Variants in SMAP1 observed in about 807,000 individuals in gnomAD.
The protein encoded by SMAP1 is stromal membrane-associated protein 1.
SMAP1 carries 24 observed loss-of-function variants against 58.5 expected under a neutral mutation model. That is an observed-to-expected ratio of 0.41 (90% CI 0.30 to 0.58). SMAP1 has a LOEUF of 0.58. SMAP1 is among the 20% of genes least tolerant of loss of function. The pLI is 0.29. For missense variants in SMAP1, 563 were observed against 566.3 expected (o/e 0.99, Z 0.06); for synonymous variants, 216 against 196.6 (o/e 1.10, Z -0.82).
At chr6:70,701,702 T>C (rs1253529084) in intron 1 of SMAP1, among the ~76,000 whole-genome samples, 1 of 152,260 alleles carries the variant, frequency 6.6e-6, no homozygotes, top group Admixed American at 6.5e-5. Context: ...AAGCACACAT[T>C]CTCTCTCTGT....
intron 1 of SMAP1, among the ~76,000 whole-genome samples, chr6:70,699,239 T>C (rs1183681194): frequency 6.6e-6 from 1 of 152,182 alleles, no homozygotes; most frequent in Non-Finnish European, 1.5e-5. Context: ...TTCCCTTACT[T>C]TCCTGCAAAC....
At chr6:70,755,156 G>A (rs981582357) in intron 3 of SMAP1, 91 bp downstream of exon 3, 1 of 1,003,700 alleles carries the variant, frequency 1.0e-6, no homozygotes, top group African/African-American at 1.6e-5. Flanking sequence ...AGGAAGATGT[G>A]AACTTTATCA....
intron 4 of SMAP1, among the ~76,000 whole-genome samples, chr6:70,781,961 CTGTTAAACTCATTTTATTTCTG>C (rs1352060271): frequency 6.6e-6 from 1 of 152,120 alleles, no homozygotes; most frequent in Non-Finnish European, 1.5e-5. Flanking sequence ...GAAGGAAGGA[CTGTTAAACTCATTTTATTTCTG>C]AAGAAAACTC....
At chr6:70,839,139 A>G (rs1770709919) in intron 7 of SMAP1, among the ~76,000 whole-genome samples, 1 of 152,186 alleles carries the variant, frequency 6.6e-6, no homozygotes, top group African/African-American at 2.4e-5. Context: ...ACAGCTTACA[A>G]CATTAAACAT....
chr6:70,734,003 A>ATTT (rs11303101), intron 2 of SMAP1, among the ~76,000 whole-genome samples: 1 of 149,760 alleles, frequency 6.7e-6, no homozygotes, highest in East Asian at 2.0e-4. Flanking sequence ...AATATATTGG[A>ATTT]TTTTTTTTTT....
At chr6:70,750,500 A>G (rs1485399084) in intron 2 of SMAP1, among the ~76,000 whole-genome samples, 2 of 152,244 alleles carry the variant, frequency 1.3e-5, no homozygotes, top group Admixed American at 6.5e-5. Flanking sequence ...TGCTGTTTTA[A>G]TGCTAAAACT....
chr6:70,714,329 C>T (rs1011523620), intron 1 of SMAP1, among the ~76,000 whole-genome samples: 6 of 151,948 alleles, frequency 3.9e-5, no homozygotes, highest in East Asian at 1.9e-4. Flanking sequence ...CTCCTATTGT[C>T]GTCTTGTTGC....
At position 70,856,995 on chromosome 6, in the gene SMAP1, A is replaced by G. The variant is rs1483478944; in HGVS notation, c.926A>G (p.Tyr309Cys). 6.2e-7 allele frequency: 1 copy of G among 1,613,902 alleles called. No homozygotes were observed. Residue 309 changes from tyrosine (Y) to cysteine (C), a missense_variant, in exon 9 of 11, where the codon TAT (tyrosine) becomes TGT (cysteine). Physicochemically the swap from Tyr to Cys is radical, Grantham distance 194. Coordinates refer to ENST00000370455, the MANE Select transcript of SMAP1 (RefSeq NM_001044305.3). ...TCCAAAGACTCCATCTTATCTCTGT[A>G]TGGCACAGGAACCATTCAACAGCAA... ...QLSKDSILSLYGTGTIQQQST... is the reference protein window; with the variant it reads ...QLSKDSILSLCGTGTIQQQST...
At chr6:70,677,371 A>T (rs962898690) in intron 1 of SMAP1, among the ~76,000 whole-genome samples, 1 of 148,544 alleles carries the variant, frequency 6.7e-6, no homozygotes, top group African/African-American at 2.5e-5. Flanking sequence ...TCCTTATTGC[A>T]AAGATTTATT....
At chr6:70,822,302 T>C (rs541379656) in intron 6 of SMAP1, among the ~76,000 whole-genome samples, 56 of 152,296 alleles carry the variant, frequency 3.7e-4, no homozygotes, top group African/African-American at 1.3e-3. Flanking sequence ...GCTCTTTAAA[T>C]ATATTATTTC....
intron 1 of SMAP1, among the ~76,000 whole-genome samples, chr6:70,732,074 A>G (rs990618752): frequency 9.9e-5 from 15 of 152,172 alleles, no homozygotes; most frequent in Non-Finnish European, 1.8e-4. Flanking sequence ...GTAGGGTATT[A>G]TTACTATTCC....
At chr6:70,724,233 G>A (rs1172878956) in intron 1 of SMAP1, among the ~76,000 whole-genome samples, 3 of 148,592 alleles carry the variant, frequency 2.0e-5, no homozygotes, top group African/African-American at 7.4e-5. Context: ...TTTCAATCAT[G>A]TCACCCAGGC....
intron 6 of SMAP1, among the ~76,000 whole-genome samples, chr6:70,836,475 A>G (rs1349903459): frequency 1.3e-5 from 2 of 152,218 alleles, no homozygotes; most frequent in Non-Finnish European, 2.9e-5. Context: ...GTATCACAGG[A>G]GTACATTAGT....
intron 1 of SMAP1, among the ~76,000 whole-genome samples, chr6:70,720,341 C>T (rs112401096): frequency 0.023 from 3,436 of 152,260 alleles, 150 homozygotes; most frequent in African/African-American, 0.079. Flanking sequence ...GCGGCTCTGC[C>T]CCTGTGGTTT....
chr6:70,728,056 C>A (rs996205384), intron 1 of SMAP1, among the ~76,000 whole-genome samples: 3 of 151,818 alleles, frequency 2.0e-5, no homozygotes, highest in African/African-American at 7.3e-5. Flanking sequence ...AGAGTGAGAC[C>A]CTGTCTCAAA....
At chr6:70,852,060 C>T (rs1250037792) in intron 7 of SMAP1, among the ~76,000 whole-genome samples, 1 of 152,100 alleles carries the variant, frequency 6.6e-6, no homozygotes, top group African/African-American at 2.4e-5. Flanking sequence ...CCAAAACACA[C>T]ACACCCTCAC....
intron 4 of SMAP1, among the ~76,000 whole-genome samples, chr6:70,788,127 A>T (rs1249027442): frequency 2.0e-5 from 3 of 152,046 alleles, no homozygotes; most frequent in African/African-American, 4.8e-5. Context: ...GCCATAAAAA[A>T]TGATGAGTTC....
intron 1 of SMAP1, among the ~76,000 whole-genome samples, chr6:70,705,948 T>C (rs1767821522): frequency 6.6e-6 from 1 of 152,204 alleles, no homozygotes; most frequent in South Asian, 2.1e-4. Context: ...CTTTAGTGTG[T>C]AACTACTTCA....
chr6:70,808,488 C>T (rs1239685202), intron 6 of SMAP1, among the ~76,000 whole-genome samples: 2 of 152,098 alleles, frequency 1.3e-5, no homozygotes, highest in African/African-American at 4.8e-5. Context: ...CAGTGAGAAA[C>T]GGTTGCCGCG....
Sources: allele counts gnomAD v4.1 joint callset (sites outside exome capture counted in the v4.1 genomes callset), GRCh38; gene constraint gnomAD v4.1.1; transcripts MANE v1.5; gene names NCBI Gene and HGNC (gene_info 2026-07-23, HGNC 2026-07-21).